The following TMEM59 variants were observed in gnomAD, a reference collection of about 807,000 sequenced individuals.
TMEM59 encodes the protein transmembrane protein 59.
TMEM59 carries 44 observed loss-of-function variants against 42.2 expected under a neutral mutation model. That is an observed-to-expected ratio of 1.04 (90% CI 0.82 to 1.34). The LOEUF is 1.34. Ranked by LOEUF, TMEM59 falls within the 40% of genes most tolerant of loss-of-function variation. The pLI, the probability that TMEM59 is intolerant of heterozygous loss-of-function variation, is 0.00. For synonymous variants in TMEM59, 148 were observed against 145.8 expected, an observed-to-expected ratio of 1.02 and a Z score of -0.11; for missense variants, 359 against 382.8, an observed-to-expected ratio of 0.94 and a Z score of 0.52.
chr1:54,050,114 CTGAGA>C (rs944810308), intron 1 of TMEM59, among the ~76,000 whole-genome samples: 3 of 151,372 alleles, frequency 2.0e-5, no homozygotes, highest in Non-Finnish European at 2.9e-5. Flanking sequence ...CAAAAAGTGT[CTGAGA>C]TTTCTTTTTT....
intron 1 of TMEM59, among the ~76,000 whole-genome samples, chr1:54,052,436 G>C (rs924784223): frequency 1.2e-4 from 19 of 152,062 alleles, no homozygotes; most frequent in African/African-American, 4.6e-4. Flanking sequence ...GCAGCGTCTT[G>C]GACACAGTAA....
chr1:54,045,562 A>G, intron 3 of TMEM59, 130 bp downstream of exon 3: 1 of 808,288 alleles, frequency 1.2e-6, no homozygotes, highest in Non-Finnish European at 2.0e-6. Context: ...TTTGCAAACT[A>G]ATTTTGTTTG....
chr1:54,048,211 C>T (rs1489357170), intron 1 of TMEM59, among the ~76,000 whole-genome samples: 1 of 152,156 alleles, frequency 6.6e-6, no homozygotes, highest in African/African-American at 2.4e-5. Context: ...TAAAACTGGG[C>T]TTACATTAAA....
chr1:54,032,324 G>A lies in TMEM59; in HGVS notation c.817-19C>T, dbSNP rs761657546. The A allele has an allele frequency of 6.3e-7, 1 of 1,585,094 alleles. No homozygotes were observed. The highest frequency in any genetic ancestry group is 8.6e-7 in the Non-Finnish European group (1 of 1,165,326). On this transcript the variant is annotated intron_variant, in intron 7 of 7. Transcript: ENST00000234831. ...TCAGCTTCTGCAAAAGAAAACCAAT[G>A]TACATTAGTAGTCTGGATAATTAGG...
chr1:54,032,420 A>T, intron 7 of TMEM59, 115 bp from the exon 8 acceptor site: 1 of 1,024,434 alleles, frequency 9.8e-7, no homozygotes. Context: ...TCTATAAACA[A>T]CTTTAAGAAA....
intron 4 of TMEM59, 33 bp from the exon 5 acceptor site, chr1:54,041,838 G>T: frequency 6.4e-7 from 1 of 1,558,228 alleles, no homozygotes; most frequent in South Asian, 1.1e-5. Flanking sequence ...TAAGTCATTT[G>T]TACTTCTTTA....
rs1419531835 is a variant in TMEM59 at position 54,048,606 on chromosome 1, ATT to A, written c.190-1236_190-1235del. ...TGTTTTTCTTTGATAAAATAAAAGT[ATT>A]TAAAAAAAGCTATTGCATATGGGGG... On this transcript the variant is annotated intron_variant, in intron 1 of 7. Transcript: ENST00000234831. 2.0e-5 allele frequency: 8 copies of A among 392,856 alleles called. No homozygotes were observed. The East Asian group carries it at 3.2e-4, about 16-fold the overall frequency. 24.3% of individuals were successfully genotyped at this position (392,856 alleles called of 1,614,324 possible).
At chr1:54,034,267 A>AGCTGCT (rs1267012298) in intron 7 of TMEM59, 1 of 152,484 alleles carries the variant, frequency 6.6e-6, no homozygotes, top group Non-Finnish European at 1.5e-5. Context: ...GGGGTGGTGC[A>AGCTGCT]GCTGCTGCTG....
chr1:54,038,794 T>C lies in TMEM59; in HGVS notation c.707+1962A>G, dbSNP rs550768628. The stretch of plus-strand genomic sequence containing the variant: ...CCACCTACTTATCACAGGGTATTGT[T>C]CTAAAAGTCAAATGGGATCACTGAA... On this transcript the variant is annotated intron_variant, in intron 6 of 7. Transcript: ENST00000234831. 3.9e-4 allele frequency among the ~76,000 whole-genome samples: 59 copies of C among 152,270 alleles called. 1 individual carries two copies. The highest frequency in any genetic ancestry group is 1.4e-3 in the African/African-American group (57 of 41,560).
Position 54,047,522 on chromosome 1 carries a change from T to C in TMEM59, c.190-150A>G, listed in dbSNP as rs955306750. 6.2e-6 allele frequency: 4 copies of C among 643,982 alleles called. No homozygotes were observed. In the African/African-American group the frequency reaches 7.5e-5, roughly 12 times the overall value. The allele number at this position is 643,982 out of a possible 1,614,324, so 39.9% of individuals were successfully genotyped here. On this transcript the variant is annotated intron_variant, in intron 1 of 7. Coordinates refer to ENST00000234831, the MANE Select transcript of TMEM59 (RefSeq NM_004872.5). The stretch of plus-strand genomic sequence containing the variant: ...GAAAGAAAAAAATGATAGGAGCCAG[T>C]TGATACTCAAGACCTTTGCCATATA...
At chr1:54,041,685 G>GGTTGTA in intron 5 of TMEM59, 39 bp downstream of exon 5, 1 of 1,523,904 alleles carries the variant, frequency 6.6e-7, no homozygotes, top group Non-Finnish European at 9.1e-7. Flanking sequence ...AGATTTGACT[G>GGTTGTA]CTAATGTTTT....
chr1:54,033,115 CT>C (rs112000180), intron 7 of TMEM59: 11,819 of 142,682 alleles, frequency 0.083, 1,068 homozygotes, highest in African/African-American at 0.24. Flanking sequence ...TTCTTTCTTT[CT>C]TTTTTTTTTC....
intron 6 of TMEM59, among the ~76,000 whole-genome samples, chr1:54,039,482 T>C (rs1453994028): frequency 6.6e-6 from 1 of 152,218 alleles, no homozygotes; most frequent in African/African-American, 2.4e-5. Context: ...AAACCAGGTT[T>C]AGAAATGAAC....
At chr1:54,051,071 T>G (rs1569973644) in intron 1 of TMEM59, among the ~76,000 whole-genome samples, 1 of 151,660 alleles carries the variant, frequency 6.6e-6, no homozygotes, top group African/African-American at 2.4e-5. Context: ...TCCAGGCTGG[T>G]CTCAATCTCC....
At chr1:54,044,060 T>C (rs568050370) in intron 3 of TMEM59, 1 of 152,122 alleles carries the variant, frequency 6.6e-6, no homozygotes, top group Non-Finnish European at 1.5e-5. Context: ...AAGATTTTAA[T>C]GGCCCAGCGT....
chr1:54,034,787 G>A (rs7539396), intron 7 of TMEM59: 150,358 of 152,162 alleles, frequency 0.99, 74,315 homozygotes, highest in South Asian at 1. Context: ...AAAGAAAAAA[G>A]AAAGTTCAGT....
chr1:54,033,092 T>C (rs1440139197), intron 7 of TMEM59: 1 of 152,170 alleles, frequency 6.6e-6, no homozygotes, highest in Non-Finnish European at 1.5e-5. Flanking sequence ...CATGCCCAGC[T>C]AATTTTTCTT....
chr1:54,041,833 C>A (rs79481007), intron 4 of TMEM59, 28 bp from the exon 5 acceptor site: 74,741 of 1,567,876 alleles, frequency 0.048, 2,050 homozygotes, highest in Middle Eastern at 0.057. Context: ...GCAATTAAGT[C>A]ATTTGTACTT....
At chr1:54,052,520 C>T (rs1017241189) in intron 1 of TMEM59, among the ~76,000 whole-genome samples, 2 of 152,220 alleles carry the variant, frequency 1.3e-5, no homozygotes, top group Non-Finnish European at 2.9e-5. Flanking sequence ...TTTTATACCA[C>T]AGTGGAATCG....
Sources: allele counts gnomAD v4.1 joint callset (sites outside exome capture counted in the v4.1 genomes callset), GRCh38; gene constraint gnomAD v4.1.1; transcripts MANE v1.5; gene names NCBI Gene and HGNC (gene_info 2026-07-23, HGNC 2026-07-21).